DSC1: variants seen among roughly 807,000 people sequenced by gnomAD.
DSC1 encodes desmocollin-1.
DSC1 carries 79 observed loss-of-function variants against 98.8 expected under a neutral mutation model. The observed-to-expected ratio is 0.80, with a 90% confidence interval of 0.67 to 0.96. DSC1 has a LOEUF of 0.96. DSC1 is among the 50% of genes least tolerant of loss of function. The pLI, the probability that DSC1 is intolerant of heterozygous loss-of-function variation, is 0.00. For synonymous variants in DSC1, 405 were observed against 372.1 expected (o/e 1.09, Z -1.02); for missense variants, 1,115 against 1,075.9 (o/e 1.04, Z -0.51).
At chr18:31,150,291 C>G (rs1205217256) in intron 5 of DSC1, among the ~76,000 whole-genome samples, 10 of 127,420 alleles carry the variant, frequency 7.8e-5, no homozygotes, top group East Asian at 2.8e-4. Context: ...ACCACCACCA[C>G]CACTACCATC....
intron 8 of DSC1, among the ~76,000 whole-genome samples, 186 bp from the exon 9 acceptor site, chr18:31,142,370 C>A (rs1319302527): frequency 1.3e-5 from 2 of 152,086 alleles, no homozygotes; most frequent in Admixed American, 6.6e-5. Flanking sequence ...CTTTTCATAT[C>A]TTTTCCATTC....
intron 6 of DSC1, among the ~76,000 whole-genome samples, chr18:31,148,282 A>T (rs1330569525): frequency 6.6e-6 from 1 of 152,184 alleles, no homozygotes; most frequent in Non-Finnish European, 1.5e-5. Context: ...TTATCATATG[A>T]ATATGCTTAA....
At chr18:31,152,678 A>C (rs527997301) in intron 5 of DSC1, among the ~76,000 whole-genome samples, 1 of 152,318 alleles carries the variant, frequency 6.6e-6, no homozygotes, top group African/African-American at 2.4e-5. Context: ...TAAACAAAGA[A>C]GAAAGCGAAC....
chr18:31,160,303 T>C (rs1305952465), intron 1 of DSC1, among the ~76,000 whole-genome samples: 1 of 152,220 alleles, frequency 6.6e-6, no homozygotes, highest in South Asian at 2.1e-4. Context: ...GCATTTTCTG[T>C]TTGTTCCTCT....
rs200960095 is a variant in DSC1, at chr18:31,130,661, G to A, written c.2538C>T (p.Tyr846=). The part of the protein sequence containing the change: ...QDEEHKHCED[Y]VCSYNYEGKG... ...TGCCTTCATAGTTATACGAACAAACGTAGTCTTCACAATGTTTATGCTCCT... is the reference window on the plus strand; with the variant it reads ...TGCCTTCATAGTTATACGAACAAACATAGTCTTCACAATGTTTATGCTCCT... Residue 846 remains tyrosine, a synonymous_variant, in exon 16 of 16, where the codon TAC becomes TAT. Coordinates refer to ENST00000257198, the MANE Select transcript of DSC1 (RefSeq NM_024421.2). The A allele has an allele frequency of 1.5e-4, 238 of 1,613,974 alleles. No homozygotes were observed. Among genetic ancestry groups the A allele is most frequent in the Admixed American group, 6.3e-4 (38 of 59,980 alleles).
chr18:31,139,657 T>C (rs554663317), intron 11 of DSC1, 91 bp downstream of exon 11: 23 of 1,279,228 alleles, frequency 1.8e-5, no homozygotes, highest in Admixed American at 5.6e-5. Context: ...GCTTGAATTA[T>C]GTTTTGTCTA....
Position 31,130,417 on chromosome 18 carries a change from C to G in DSC1, c.*97G>C. 1 of 1,382,922 alleles carries G rather than the reference C, an allele frequency of 7.2e-7. No individual in the cohort carries two copies. The allele number at this position is 1,382,922 out of a possible 1,614,324, so 85.7% of individuals were successfully genotyped here. A position where few individuals can be genotyped will look rare whatever the true frequency, so the allele number is the denominator to read the frequency against. On this transcript the variant is annotated 3_prime_UTR_variant, in exon 16 of 16. Coordinates refer to ENST00000257198, the MANE Select transcript of DSC1 (RefSeq NM_024421.2). Reference sequence around the variant, plus strand: ...CTTACCTATACATGACAAAGTTTACCTCCATAAACAAAAACATTAGCAGAT... The same window carrying G: ...CTTACCTATACATGACAAAGTTTACGTCCATAAACAAAAACATTAGCAGAT...
intron 3 of DSC1, among the ~76,000 whole-genome samples, chr18:31,157,092 T>C (rs1989112580): frequency 6.6e-6 from 1 of 152,222 alleles, no homozygotes; most frequent in Non-Finnish European, 1.5e-5. Context: ...CTCCTCAGGT[T>C]GGTTTGTTCT....
Position 31,140,238 on chromosome 18 carries a change from A to C in DSC1, c.1324T>G (p.Phe442Val), listed in dbSNP as rs1393735853. Residue 442 changes from phenylalanine to valine, a missense_variant, in exon 10 of 16, where the codon TTC (phenylalanine) becomes GTC (valine). By Grantham distance (50) the Phe-to-Val change is conservative. Transcript: ENST00000257198. ...LQVGVINEAQ[F>V]SKAASSQTPT... Reference sequence around the variant, plus strand: ...GTTTGTGAGCTCGCTGCTTTAGAGAATTGTGCCTCGTTAATGACACCAACT... The same window carrying C: ...GTTTGTGAGCTCGCTGCTTTAGAGACTTGTGCCTCGTTAATGACACCAACT... 6.2e-7 allele frequency: 1 copy of C among 1,614,034 alleles called. No individual in the cohort carries two copies. Among genetic ancestry groups the C allele is most frequent in the East Asian group, 2.2e-5 (1 of 44,876 alleles).
At chr18:31,137,743 C>A (rs1988641877) in intron 11 of DSC1, among the ~76,000 whole-genome samples, 1 of 152,078 alleles carries the variant, frequency 6.6e-6, no homozygotes, top group Non-Finnish European at 1.5e-5. Flanking sequence ...CAATCACAAA[C>A]CTTGTCATTG....
intron 11 of DSC1, among the ~76,000 whole-genome samples, chr18:31,137,187 A>C (rs1464962342): frequency 6.6e-6 from 1 of 151,880 alleles, no homozygotes; most frequent in Non-Finnish European, 1.5e-5. Context: ...TTAAATTTTT[A>C]ATTATTAAGC....
chr18:31,131,778 G>C lies in DSC1; in HGVS notation c.2303C>G (p.Thr768Ser). 1 of 1,614,036 alleles carries C rather than the reference G, an allele frequency of 6.2e-7. No individual in the cohort carries two copies. The highest frequency in any genetic ancestry group is 8.5e-7 in the Non-Finnish European group (1 of 1,179,926). ...NICDTSMSVG[T>S]VGGQGIKTQQ... Reference sequence around the variant, plus strand: ...TGTTTTGATTCCCTGGCCACCAACAGTACCAACAGACATGCTTGTGTCACA... The same window carrying C: ...TGTTTTGATTCCCTGGCCACCAACACTACCAACAGACATGCTTGTGTCACA... Residue 768 changes from threonine (T) to serine (S), a missense_variant, in exon 15 of 16, where the codon ACT (threonine) becomes AGT (serine). Thr to Ser is a moderately conservative substitution (Grantham distance 58, BLOSUM62 1). Coordinates refer to ENST00000257198, the MANE Select transcript of DSC1 (RefSeq NM_024421.2).
intron 8 of DSC1, 34 bp downstream of exon 8, chr18:31,143,623 A>G (rs1160278190): frequency 1.4e-6 from 2 of 1,440,266 alleles, no homozygotes; most frequent in African/African-American, 2.9e-5. Context: ...AAAAGTAGAT[A>G]AATCTAGATG....
chr18:31,139,691 G>T (rs965005674), intron 11 of DSC1, 57 bp downstream of exon 11: 4 of 1,447,788 alleles, frequency 2.8e-6, no homozygotes, highest in African/African-American at 2.9e-5. Flanking sequence ...TTCACCACAA[G>T]GTTTCCTTAA....
chr18:31,148,416 T>G, intron 6 of DSC1, 82 bp downstream of exon 6: 1 of 1,421,000 alleles, frequency 7.0e-7, no homozygotes, highest in Non-Finnish European at 9.3e-7. Context: ...AATGCAATGA[T>G]AAAACGTAAA....
intron 2 of DSC1, among the ~76,000 whole-genome samples, chr18:31,158,551 T>C (rs1286275259): frequency 6.6e-6 from 1 of 152,172 alleles, no homozygotes; most frequent in African/African-American, 2.4e-5. Flanking sequence ...TTTTTACATG[T>C]GAATGCAAAG....
chr18:31,162,678 C>T lies in DSC1; in HGVS notation c.-84G>A. 8.2e-7 allele frequency: 1 copy of T among 1,220,610 alleles called. No homozygotes were observed. Among genetic ancestry groups the T allele is most frequent in the Non-Finnish European group, 1.2e-6 (1 of 827,632 alleles). 75.6% of individuals were successfully genotyped at this position (1,220,610 alleles called of 1,614,324 possible). ...CAGAGCGGCTAAGAAGACGCTGGCA[C>T]TTGCACAGGGTATTCTGCTGCCACC... On this transcript the variant is annotated 5_prime_UTR_variant, in exon 1 of 16. In the 5' UTR this introduces an upstream ATG that the reference lacks. Transcript: ENST00000257198.
At chr18:31,151,841 C>T (rs765868093) in intron 5 of DSC1, among the ~76,000 whole-genome samples, 6 of 152,026 alleles carry the variant, frequency 3.9e-5, no homozygotes, top group Non-Finnish European at 4.4e-5. Flanking sequence ...GAGAATTAAT[C>T]GACTTGTGTG....
intron 2 of DSC1, 81 bp from the exon 3 acceptor site, chr18:31,157,654 A>C: frequency 6.8e-7 from 1 of 1,468,382 alleles, no homozygotes; most frequent in East Asian, 2.3e-5. Flanking sequence ...GCCGTGAGTT[A>C]ATGCATGAGA....
Sources: allele counts gnomAD v4.1 joint callset (sites outside exome capture counted in the v4.1 genomes callset), GRCh38; gene constraint gnomAD v4.1.1; transcripts MANE v1.5; gene names NCBI Gene and HGNC (gene_info 2026-07-23, HGNC 2026-07-21).